The following MORN1 variants were observed in gnomAD, a reference collection of about 807,000 sequenced individuals.
The protein encoded by MORN1 is MORN repeat-containing protein 1.
Under a neutral mutation model 61.9 loss-of-function variants are expected in MORN1, and 67 were observed. The ratio of observed to expected loss-of-function variants is 1.08; its 90% CI spans 0.89 to 1.33. The LOEUF (loss-of-function observed/expected upper bound fraction) is 1.33, where lower values mean the gene tolerates loss of function less well. MORN1 is among the 40% of genes most tolerant of loss of function. MORN1 has a pLI of 0.00. For synonymous variants in MORN1, 301 were observed against 292.0 expected (o/e 1.03, Z -0.31); for missense variants, 752 against 691.2 (o/e 1.09, Z -0.99).
chr1:2,325,314 C>G (rs189183903), intron 12 of MORN1, among the ~76,000 whole-genome samples: 5 of 147,872 alleles, frequency 3.4e-5, no homozygotes, highest in Non-Finnish European at 7.4e-5. Flanking sequence ...CTTTTTCTCT[C>G]CTTTCTTTCT....
intron 13 of MORN1, chr1:2,323,746 G>A (rs1222897318): frequency 2.0e-6 from 2 of 985,252 alleles, no homozygotes; most frequent in Non-Finnish European, 2.4e-6. Context: ...TCATGGTTCA[G>A]CCACTGTGGG....
In MORN1 at chr1:2,389,204, C is replaced by G. The variant is rs564619772; in HGVS notation, c.148+721G>C. 3.3e-5 allele frequency among the ~76,000 whole-genome samples: 5 copies of G among 152,210 alleles called. No homozygotes were observed. In the East Asian group the frequency reaches 9.6e-4, roughly 29 times the overall value. ...AGTACAGTGGCGGGAACGTCCACAC[C>G]ACCAAAGGTTCACGGCACTTGCCTG... On this transcript the variant is annotated intron_variant, in intron 2 of 13. Coordinates refer to ENST00000378531, the MANE Select transcript of MORN1 (RefSeq NM_024848.3).
At chr1:2,330,168 G>A (rs61762086) in intron 12 of MORN1, among the ~76,000 whole-genome samples, 6,921 of 152,290 alleles carry the variant, frequency 0.045, 231 homozygotes, top group South Asian at 0.067. Context: ...TGCTTTGCTG[G>A]CCAGGCCTGC....
At chr1:2,379,030 T>C (rs774129320) in intron 6 of MORN1, 6 of 470,776 alleles carry the variant, frequency 1.3e-5, no homozygotes, top group South Asian at 9.3e-5. Context: ...AATGCATTTT[T>C]AAAAAAAGGT....
At chr1:2,343,456 C>T (rs1489924529) in intron 10 of MORN1, among the ~76,000 whole-genome samples, 3 of 152,210 alleles carry the variant, frequency 2.0e-5, no homozygotes, top group African/African-American at 7.2e-5. Flanking sequence ...GGGTGTGGGG[C>T]AGGCCCCTCA....
chr1:2,369,355 G>GAAAAA (rs55703845), intron 8 of MORN1, among the ~76,000 whole-genome samples: 6 of 80,574 alleles, frequency 7.4e-5, no homozygotes, highest in Non-Finnish European at 9.0e-5. Context: ...CTCAGTCTCA[G>GAAAAA]AAAAAAAAAA....
chr1:2,355,373 TC>T, intron 10 of MORN1: 1 of 1,540,986 alleles, frequency 6.5e-7, no homozygotes, highest in Non-Finnish European at 8.8e-7. Context: ...GCCTGCATGC[TC>T]TTTTATATGA....
At chr1:2,325,147 C>CCT (rs1640988789) in intron 12 of MORN1, among the ~76,000 whole-genome samples, 1 of 135,144 alleles carries the variant, frequency 7.4e-6, no homozygotes, top group African/African-American at 2.8e-5. Context: ...TCCCTCCCTC[C>CCT]CTTCCTTCCC....
chr1:2,324,164 G>C (rs1386248545), intron 12 of MORN1, 21 bp from the exon 13 acceptor site: 6 of 1,589,928 alleles, frequency 3.8e-6, no homozygotes, highest in Non-Finnish European at 5.1e-6. Flanking sequence ...GACACAGTGA[G>C]GCCCCTGAAT....
At chr1:2,381,393 G>A (rs551511853) in intron 6 of MORN1, among the ~76,000 whole-genome samples, 3 of 152,356 alleles carry the variant, frequency 2.0e-5, no homozygotes, top group South Asian at 2.1e-4. Flanking sequence ...TGTCAGCAGC[G>A]TGGACGAGGC....
intron 6 of MORN1, chr1:2,376,285 G>C (rs1642231924): frequency 6.6e-6 from 1 of 152,300 alleles, no homozygotes; most frequent in African/African-American, 2.4e-5. Flanking sequence ...TGTCCTCACT[G>C]TCTCTCATCT....
intron 2 of MORN1, 100 bp from the exon 3 acceptor site, chr1:2,388,437 C>A: frequency 1.1e-6 from 1 of 897,062 alleles, no homozygotes. Context: ...AAGAGCTTGG[C>A]TTCAAAACTT....
chr1:2,381,028 A>G (rs1367375087), intron 6 of MORN1, among the ~76,000 whole-genome samples: 1 of 152,190 alleles, frequency 6.6e-6, no homozygotes, highest in Non-Finnish European at 1.5e-5. Flanking sequence ...GAGGAGAGGC[A>G]CTGTGACCGG....
At position 2,357,484 on chromosome 1, in the gene MORN1, C is replaced by T. The variant is rs1012353541; in HGVS notation, c.984G>A (p.Glu328=). Residue 328 remains glutamate, a synonymous_variant, in exon 10 of 14, where the codon GAG becomes GAA. Coordinates refer to ENST00000378531, the MANE Select transcript of MORN1 (RefSeq NM_024848.3). This position sits in a 1 kb window ranked among gnomAD's most constrained non-coding sequence, Gnocchi z 6.3. ...GGCCATGGAGGGCACCCAAATGCAG[C>T]TCCAGGTCTCCCCTGGGCAGGGGCA... ...ADVPLPRGDL[E]LHLGALHGQE... is the part of the protein sequence containing the mutation. 21 of 1,612,426 alleles carry T rather than the reference C, an allele frequency of 1.3e-5. No individual in the cohort carries two copies. Among genetic ancestry groups the T allele is most frequent in the Non-Finnish European group, 1.5e-5 (18 of 1,179,578 alleles).
chr1:2,360,654 G>A (rs991665164), intron 8 of MORN1, among the ~76,000 whole-genome samples: 2 of 152,322 alleles, frequency 1.3e-5, no homozygotes, highest in East Asian at 3.9e-4. Context: ...CCTGAGTAGA[G>A]GGAGGACCCT....
chr1:2,348,931 A>G (rs1355799706), intron 10 of MORN1, among the ~76,000 whole-genome samples: 1 of 149,112 alleles, frequency 6.7e-6, no homozygotes, highest in African/African-American at 2.4e-5. Context: ...TCTATGATGC[A>G]AACCCCCAGT....
chr1:2,388,339 T>C lies in MORN1; in HGVS notation c.149-2A>G. 6.2e-7 allele frequency: 1 copy of C among 1,613,074 alleles called. No homozygotes were observed. The highest frequency in any genetic ancestry group is 8.5e-7 in the Non-Finnish European group (1 of 1,179,230). On this transcript the variant is annotated splice_acceptor_variant, in intron 2 of 13. Transcript: ENST00000378531. LOFTEE classifies it high-confidence loss of function. ...CTTTAAATAACAACTTCCCGTGACCTGGCAGGAGAAATCGTCACGTGAACT... is the reference window on the plus strand; with the variant it reads ...CTTTAAATAACAACTTCCCGTGACCCGGCAGGAGAAATCGTCACGTGAACT...
At chr1:2,325,110 T>TTCCCTCCC (rs1471530243) in intron 12 of MORN1, among the ~76,000 whole-genome samples, 1 of 45,930 alleles carries the variant, frequency 2.2e-5, no homozygotes, top group African/African-American at 1.4e-4. Flanking sequence ...TCCCCTTTCC[T>TTCCCTCCC]TCCCTTCCTT....
rs759561260 is a variant in MORN1, at chr1:2,357,519, C to T, written c.949G>A (p.Glu317Lys). Residue 317 changes from glutamate (E) to lysine (K), a missense_variant, in exon 10 of 14, where the codon GAA (glutamate) becomes AAA (lysine). Coordinates refer to ENST00000378531, the MANE Select transcript of MORN1 (RefSeq NM_024848.3). This position sits in a 1 kb window ranked among gnomAD's most constrained non-coding sequence, Gnocchi z 6.3. ...PGPRAAKGGA[E>K]ADVPLPRGDL... ...CCCCTGGGCAGGGGCACGTCGGCTT[C>T]TGCCCCTCCCTTGGCAGCTCTGGGC... 6.2e-7 allele frequency: 1 copy of T among 1,612,836 alleles called. No individual in the cohort carries two copies. The highest frequency in any genetic ancestry group is 8.5e-7 in the Non-Finnish European group (1 of 1,179,708).
Sources: gnomAD v4.1 joint callset for allele counts (sites outside exome capture counted in the v4.1 genomes callset) on GRCh38, gnomAD v4.1.1 for gene constraint, Gnocchi (gnomAD v3.1) non-coding constraint, MANE v1.5 for transcripts, NCBI Gene and HGNC (gene_info 2026-07-23, HGNC 2026-07-21) for gene names.